Variants in LRMDA observed in about 807,000 individuals in gnomAD.
LRMDA encodes the protein leucine-rich melanocyte differentiation-associated protein.
LRMDA carries 18 observed loss-of-function variants against 29.8 expected under a neutral mutation model. That is an observed-to-expected ratio of 0.60 (90% CI 0.42 to 0.90). LRMDA has a LOEUF of 0.90. Ranked by LOEUF, LRMDA falls within the 40% of genes least tolerant of loss-of-function variation. The pLI, the probability that LRMDA is intolerant of heterozygous loss-of-function variation, is 0.00. For synonymous variants in LRMDA, 125 were observed against 109.4 expected (o/e 1.14, Z -0.89); for missense variants, 273 against 273.9 (o/e 1.00, Z 0.02).
At chr10:75,510,751 G>A (rs867008676) in intron 2 of LRMDA, among the ~76,000 whole-genome samples, 8 of 152,298 alleles carry the variant, frequency 5.3e-5, no homozygotes, top group Middle Eastern at 3.4e-3. Flanking sequence ...AGAGGTGGGG[G>A]TGTTGGCCAT....
At chr10:75,895,712 A>G (rs1845569433) in intron 2 of LRMDA, among the ~76,000 whole-genome samples, 2 of 152,222 alleles carry the variant, frequency 1.3e-5, no homozygotes, top group African/African-American at 4.8e-5. Context: ...CCTTGCACAA[A>G]GAAATTGAGT....
At position 76,364,889 on chromosome 10, in the gene LRMDA, T is replaced by A. The variant is rs1221433732; in HGVS notation, c.601+40404T>A. Among the ~76,000 whole-genome samples the A allele has an allele frequency of 4.0e-5, 6 of 151,646 alleles. No homozygotes were observed. In the East Asian group the frequency reaches 1.2e-3, roughly 30 times the overall value. ...CCCAAGTCCCCAAAGTCCATTGTAT[T>A]ATTCTTATACCTTTGCATCTTCATA... is the stretch of plus-strand genomic sequence containing the variant. On this transcript the variant is annotated intron_variant, in intron 6 of 6. Coordinates refer to ENST00000611255, the MANE Select transcript of LRMDA (RefSeq NM_001305581.2).
intron 5 of LRMDA, among the ~76,000 whole-genome samples, chr10:76,135,715 T>C (rs1413860748): frequency 6.6e-6 from 1 of 152,094 alleles, no homozygotes; most frequent in East Asian, 1.9e-4. Context: ...ATTTTTACTC[T>C]GTCTTCACCT....
intron 5 of LRMDA, among the ~76,000 whole-genome samples, chr10:76,142,029 A>G (rs1458887865): frequency 6.6e-6 from 1 of 151,840 alleles, no homozygotes; most frequent in Non-Finnish European, 1.5e-5. Context: ...TAGTTTTGGG[A>G]GAAGCCCTTA....
At chr10:76,226,304 C>T (rs1225152773) in intron 5 of LRMDA, among the ~76,000 whole-genome samples, 5 of 152,010 alleles carry the variant, frequency 3.3e-5, no homozygotes, top group Admixed American at 6.6e-5. Context: ...CAGATCAGGC[C>T]GGGCGTGGTG....
intron 2 of LRMDA, among the ~76,000 whole-genome samples, chr10:75,733,545 T>C (rs548305408): frequency 2.6e-5 from 4 of 152,320 alleles, no homozygotes; most frequent in Middle Eastern, 3.4e-3. Context: ...GACTTTTTTT[T>C]CCCACACAGA....
chr10:75,786,257 G>A (rs565974449), intron 2 of LRMDA, among the ~76,000 whole-genome samples: 9 of 152,164 alleles, frequency 5.9e-5, no homozygotes, highest in Non-Finnish European at 1.2e-4. Context: ...ATTCTGATGA[G>A]TAGGTGGAGT....
chr10:75,552,576 TG>T, intron 2 of LRMDA: 1 of 477,648 alleles, frequency 2.1e-6, no homozygotes, highest in Non-Finnish European at 4.4e-6. Context: ...ATCCCCTACT[TG>T]GGATTTTCTG....
chr10:76,365,107 T>TATATATATATACAC lies in LRMDA; in HGVS notation c.601+40623_601+40624insTATATATATACACA, dbSNP rs141131236. ...ACACATATATATATATATATATATATACACACACACACATACACACCACAG... is the reference window on the plus strand; with the variant it reads ...ACACATATATATATATATATATATATATATATATATACACACACACACACACATACACACCACAG... On this transcript the variant is annotated intron_variant, in intron 6 of 6. Coordinates refer to ENST00000611255, the MANE Select transcript of LRMDA (RefSeq NM_001305581.2). Among the ~76,000 whole-genome samples, 403 of 61,058 alleles carry TATATATATATACAC rather than the reference T, an allele frequency of 6.6e-3. 12 individuals carry two copies. Among genetic ancestry groups the TATATATATATACAC allele is most frequent in the African/African-American group, 0.012 (260 of 21,474 alleles). The allele number at this position is 61,058 out of a possible 152,430, so 40.1% of individuals were successfully genotyped here. A position where few individuals can be genotyped will look rare whatever the true frequency, so the allele number is the denominator to read the frequency against.
intron 5 of LRMDA, among the ~76,000 whole-genome samples, chr10:76,279,874 A>G (rs1169765934): frequency 6.6e-6 from 1 of 152,210 alleles, no homozygotes; most frequent in Non-Finnish European, 1.5e-5. Flanking sequence ...CATTTTATAG[A>G]CAAGGAGACT....
At chr10:75,500,024 T>C (rs1276264156) in intron 2 of LRMDA, among the ~76,000 whole-genome samples, 1 of 152,318 alleles carries the variant, frequency 6.6e-6, no homozygotes, top group East Asian at 1.9e-4. Context: ...TTTAAATCAG[T>C]GTTTTCTACA....
chr10:75,844,650 A>G (rs1255792305), intron 2 of LRMDA, among the ~76,000 whole-genome samples: 9 of 152,178 alleles, frequency 5.9e-5, no homozygotes, highest in Non-Finnish European at 7.3e-5. Context: ...GCAAATCAAT[A>G]AAAACATGTC....
intron 6 of LRMDA, among the ~76,000 whole-genome samples, chr10:76,337,885 T>C (rs908095672): frequency 6.6e-6 from 1 of 152,144 alleles, no homozygotes; most frequent in African/African-American, 2.4e-5. Flanking sequence ...TTGGTTAAGC[T>C]TAAGTTTCAT....
At chr10:76,473,624 A>C (rs1224292966) in intron 6 of LRMDA, among the ~76,000 whole-genome samples, 1 of 151,618 alleles carries the variant, frequency 6.6e-6, no homozygotes, top group African/African-American at 2.4e-5. Context: ...CTGCTAAAAA[A>C]AAAAAGAAAA....
chr10:76,475,682 A>G lies in LRMDA; in HGVS notation c.602-81527A>G, dbSNP rs570902064. Among the ~76,000 whole-genome samples, 569 of 152,280 alleles carry G rather than the reference A, an allele frequency of 3.7e-3. 7 individuals carry two copies. Among genetic ancestry groups the G allele is most frequent in the African/African-American group, 0.013 (554 of 41,550 alleles). ...CTCCTCAGCAAATGTAAAAGAACAG[A>G]AATTATAACAACCTGTCTCTCAGAC... is the stretch of plus-strand genomic sequence containing the variant. On this transcript the variant is annotated intron_variant, in intron 6 of 6. Transcript: ENST00000611255.
At position 76,251,226 on chromosome 10, in the gene LRMDA, C is replaced by CTTT. The variant is rs558637864; in HGVS notation, c.517-73140_517-73138dup. On this transcript the variant is annotated intron_variant, in intron 5 of 6. Coordinates refer to ENST00000611255, the MANE Select transcript of LRMDA (RefSeq NM_001305581.2). ...CATTGAAGGTTATCTCCCGTCGCTT[C>CTTT]TTTTTTTTTTTTTTTTTTTTTTTTT... is the stretch of plus-strand genomic sequence containing the variant. Among the ~76,000 whole-genome samples the CTTT allele has an allele frequency of 2.1e-4, 15 of 70,306 alleles. 3 individuals are homozygous for CTTT. The highest frequency in any genetic ancestry group is 7.4e-4 in the South Asian group (1 of 1,346). 46.1% of individuals were successfully genotyped at this position (70,306 alleles called of 152,430 possible).
chr10:76,531,803 G>A lies in LRMDA; in HGVS notation c.602-25406G>A, dbSNP rs546156978. Among the ~76,000 whole-genome samples, 21 of 152,060 alleles carry A rather than the reference G, an allele frequency of 1.4e-4. No homozygotes were observed. In the South Asian group the frequency reaches 2.1e-3, roughly 15 times the overall value. ...GGTATCAGTGTAATGCTGGTTTCAT[G>A]GCAAGTATTCCTACCCCTTCAATTT... is the stretch of plus-strand genomic sequence containing the variant. On this transcript the variant is annotated intron_variant, in intron 6 of 6. Coordinates refer to ENST00000611255, the MANE Select transcript of LRMDA (RefSeq NM_001305581.2).
At chr10:75,947,485 T>A (rs1589262963) in intron 2 of LRMDA, among the ~76,000 whole-genome samples, 1 of 152,002 alleles carries the variant, frequency 6.6e-6, no homozygotes, top group Admixed American at 6.6e-5. Flanking sequence ...GTGCCCAGAG[T>A]GCGAGGAGGC....
At chr10:76,521,666 T>A (rs1474886386) in intron 6 of LRMDA, among the ~76,000 whole-genome samples, 2 of 152,210 alleles carry the variant, frequency 1.3e-5, no homozygotes, top group Non-Finnish European at 2.9e-5. Context: ...TTTTTTCAGG[T>A]GGCTTTCATT....
Sources: gnomAD v4.1 joint callset for allele counts (sites outside exome capture counted in the v4.1 genomes callset) on GRCh38, gnomAD v4.1.1 for gene constraint, MANE v1.5 for transcripts, NCBI Gene and HGNC (gene_info 2026-07-23, HGNC 2026-07-21) for gene names.